Variants in JAKMIP2 observed in about 807,000 individuals in gnomAD.
JAKMIP2 encodes the protein janus kinase and microtubule interacting protein 2, also known as janus kinase and microtubule-interacting protein 2.
JAKMIP2 carries 25 observed loss-of-function variants against 115.0 expected under a neutral mutation model. The observed-to-expected ratio is 0.22, with a 90% CI of 0.16 to 0.30. The LOEUF (loss-of-function observed/expected upper bound fraction) is 0.30, where lower values mean the gene tolerates loss of function less well. Ranked by LOEUF, JAKMIP2 falls within the 10% of genes least tolerant of loss-of-function variation. JAKMIP2 has a pLI of 1.00. For synonymous variants in JAKMIP2, 334 were observed against 343.6 expected, an observed-to-expected ratio of 0.97 and a Z score of 0.31; for missense variants, 642 against 957.6, an observed-to-expected ratio of 0.67 and a Z score of 4.35.
intron 3 of JAKMIP2, among the ~76,000 whole-genome samples, chr5:147,658,866 G>A (rs1199705315): frequency 6.6e-6 from 1 of 152,076 alleles, no homozygotes; most frequent in East Asian, 1.9e-4. Context: ...AGTAATGACG[G>A]TCACTCCTCC....
At chr5:147,622,119 G>A (rs562812193) in intron 17 of JAKMIP2, among the ~76,000 whole-genome samples, 31 of 152,184 alleles carry the variant, frequency 2.0e-4, no homozygotes, top group African/African-American at 7.5e-4. Flanking sequence ...TGCCTGCCTC[G>A]GCCTCCCAAA....
intron 2 of JAKMIP2, among the ~76,000 whole-genome samples, chr5:147,666,069 C>A (rs1759284875): frequency 6.6e-6 from 1 of 152,068 alleles, no homozygotes; most frequent in Non-Finnish European, 1.5e-5. Context: ...AACTGAGTAA[C>A]ATTTGACATG....
intron 3 of JAKMIP2, among the ~76,000 whole-genome samples, chr5:147,659,554 G>A (rs1049294623): frequency 6.6e-6 from 1 of 152,166 alleles, no homozygotes; most frequent in Non-Finnish European, 1.5e-5. Flanking sequence ...CCGGTGAAAG[G>A]AAGTCGTGCA....
chr5:147,607,843 T>C (rs989594476), intron 20 of JAKMIP2, among the ~76,000 whole-genome samples: 41 of 152,316 alleles, frequency 2.7e-4, no homozygotes, highest in African/African-American at 9.1e-4. Context: ...TTACTGCCTC[T>C]ATTTCAGAAC....
intron 1 of JAKMIP2, among the ~76,000 whole-genome samples, chr5:147,719,234 C>A (rs1302949965): frequency 1.5e-5 from 2 of 130,558 alleles, no homozygotes; most frequent in Non-Finnish European, 3.1e-5. Flanking sequence ...AATTTGTGTT[C>A]TTTTACATTT....
At chr5:147,636,060 C>T (rs1467194898) in intron 12 of JAKMIP2, among the ~76,000 whole-genome samples, 162 bp downstream of exon 12, 1 of 152,124 alleles carries the variant, frequency 6.6e-6, no homozygotes, top group Non-Finnish European at 1.5e-5. Flanking sequence ...ATGGTGATGG[C>T]GGTGACAGGG....
chr5:147,696,555 T>C (rs1752116054), intron 1 of JAKMIP2, among the ~76,000 whole-genome samples: 1 of 152,138 alleles, frequency 6.6e-6, no homozygotes, highest in South Asian at 2.1e-4. Context: ...TTTACAGCAG[T>C]GTGAGAACAG....
chr5:147,746,172 CA>C (rs1754340672), intron 1 of JAKMIP2, among the ~76,000 whole-genome samples: 1 of 152,118 alleles, frequency 6.6e-6, no homozygotes, highest in East Asian at 1.9e-4. Context: ...CAGACTCAGC[CA>C]GAGGAAATAG....
chr5:147,715,472 C>A (rs1335954530), intron 1 of JAKMIP2, among the ~76,000 whole-genome samples: 1 of 150,796 alleles, frequency 6.6e-6, no homozygotes, highest in Non-Finnish European at 1.5e-5. Flanking sequence ...ATTACATATT[C>A]ATGTTACTAT....
chr5:147,699,665 C>T (rs1332109946), intron 1 of JAKMIP2, among the ~76,000 whole-genome samples: 2 of 152,082 alleles, frequency 1.3e-5, no homozygotes, highest in Non-Finnish European at 2.9e-5. Flanking sequence ...AAAAGCCAAT[C>T]GCAGAACAAA....
intron 18 of JAKMIP2, 130 bp from the exon 19 acceptor site, chr5:147,618,244 T>G: frequency 2.9e-6 from 2 of 685,122 alleles, no homozygotes; most frequent in Non-Finnish European, 5.0e-6. Context: ...AAGAAAATAA[T>G]TTTAAAACTT....
rs1228393702 is a variant in JAKMIP2, at chr5:147,591,692, A to C, written c.*21-6T>G. On this transcript the variant is annotated splice_region_variant and splice_polypyrimidine_tract_variant and intron_variant, in intron 21 of 21. Coordinates refer to ENST00000616793, the MANE Select transcript of JAKMIP2 (RefSeq NM_001270941.2). ...TATCCATGTTTTCGGTTACTCTGCA[A>C]AACAGAGGAAAAAAATTATTTATAT... is the stretch of plus-strand genomic sequence containing the variant. 3 of 1,542,636 alleles carry C rather than the reference A, an allele frequency of 1.9e-6. No individual in the cohort carries two copies. The highest frequency in any genetic ancestry group is 2.7e-6 in the Non-Finnish European group (3 of 1,127,004).
intron 1 of JAKMIP2, among the ~76,000 whole-genome samples, chr5:147,752,788 G>A (rs902654996): frequency 1.3e-5 from 2 of 152,124 alleles, no homozygotes; most frequent in African/African-American, 4.8e-5. Context: ...CATCAAGGGA[G>A]ATAGAGGAGA....
At chr5:147,724,952 C>A (rs755540888) in intron 1 of JAKMIP2, among the ~76,000 whole-genome samples, 2 of 151,500 alleles carry the variant, frequency 1.3e-5, no homozygotes, top group Admixed American at 6.6e-5. Flanking sequence ...GGAGGTTAGG[C>A]ATTTTAATAA....
At chr5:147,709,536 A>T (rs2126907765) in intron 1 of JAKMIP2, among the ~76,000 whole-genome samples, 1 of 152,352 alleles carries the variant, frequency 6.6e-6, no homozygotes, top group Non-Finnish European at 1.5e-5. Flanking sequence ...TGAAGTCAGT[A>T]TAAAGAAAGA....
Position 147,661,700 on chromosome 5 carries a change from T to G in JAKMIP2, c.130-255A>C, listed in dbSNP as rs184676877. 405 of 434,214 alleles carry G rather than the reference T, an allele frequency of 9.3e-4. 3 individuals carry two copies. The highest frequency in any genetic ancestry group is 9.2e-3 in the East Asian group (214 of 23,368). The allele number at this position is 434,214 out of a possible 1,614,324, so 26.9% of individuals were successfully genotyped here. A position where few individuals can be genotyped will look rare whatever the true frequency, so the allele number is the denominator to read the frequency against. On this transcript the variant is annotated intron_variant, in intron 2 of 21. Coordinates refer to ENST00000616793, the MANE Select transcript of JAKMIP2 (RefSeq NM_001270941.2). Reference sequence around the variant, plus strand: ...TGTTCTGGGGCCTTACTATGCAATGTGTGGTCTGCAGACAAGCAGCCTCGG... The same window carrying G: ...TGTTCTGGGGCCTTACTATGCAATGGGTGGTCTGCAGACAAGCAGCCTCGG...
intron 1 of JAKMIP2, among the ~76,000 whole-genome samples, chr5:147,687,752 T>A (rs1462542394): frequency 6.6e-6 from 1 of 152,198 alleles, no homozygotes; most frequent in East Asian, 1.9e-4. Flanking sequence ...AACTGCAGAA[T>A]GGAAATAAGC....
rs574829279 is a variant in JAKMIP2, at chr5:147,601,596, C to G, written c.*20+145G>C. ...CCAGCCTGGGTGACAGAACAAGACT[C>G]TGTCTCAAAACAAAACAAAACAAAA... On this transcript the variant is annotated intron_variant, in intron 21 of 21. Coordinates refer to ENST00000616793, the MANE Select transcript of JAKMIP2 (RefSeq NM_001270941.2). The G allele has an allele frequency of 5.7e-5, 28 of 487,942 alleles. No homozygotes were observed. The South Asian group carries it at 9.3e-4, about 16-fold the overall frequency. 30.2% of individuals were successfully genotyped at this position (487,942 alleles called of 1,614,324 possible). A position where few individuals can be genotyped will look rare whatever the true frequency, so the allele number is the denominator to read the frequency against.
At chr5:147,740,723 G>A (rs1754113168) in intron 1 of JAKMIP2, among the ~76,000 whole-genome samples, 1 of 152,294 alleles carries the variant, frequency 6.6e-6, no homozygotes, top group African/African-American at 2.4e-5. Flanking sequence ...GTCAGGCTCT[G>A]TCTTCATAAC....
Sources: allele counts gnomAD v4.1 joint callset (sites outside exome capture counted in the v4.1 genomes callset), GRCh38; gene constraint gnomAD v4.1.1; transcripts MANE v1.5; gene names NCBI Gene and HGNC (gene_info 2026-07-23, HGNC 2026-07-21).